WSB1: variants seen among roughly 807,000 people sequenced by gnomAD.
WSB1 encodes the protein WD repeat and SOCS box containing 1.
WSB1 carries 23 observed loss-of-function variants against 50.2 expected under a neutral mutation model. The ratio of observed to expected loss-of-function variants is 0.46; its 90% confidence interval spans 0.33 to 0.65. The LOEUF (loss-of-function observed/expected upper bound fraction) is 0.65. Ranked by LOEUF, WSB1 falls within the 30% of genes least tolerant of loss-of-function variation. The probability of loss-of-function intolerance (pLI) is 0.02; values close to 1 mark genes in which losing one functional copy is unlikely to be tolerated. For missense variants in WSB1, 492 were observed against 522.3 expected (o/e 0.94, Z 0.56); for synonymous variants, 179 against 172.0 (o/e 1.04, Z -0.32).
intron 3 of WSB1, among the ~76,000 whole-genome samples, chr17:27,304,201 A>G (rs1324864125): frequency 2.0e-5 from 3 of 152,210 alleles, no homozygotes; most frequent in Non-Finnish European, 4.4e-5. Context: ...AACAAGTGAT[A>G]CTAACATAGG....
intron 1 of WSB1, among the ~76,000 whole-genome samples, chr17:27,295,799 A>T (rs1357096097): frequency 2.0e-5 from 3 of 151,078 alleles, no homozygotes; most frequent in Non-Finnish European, 1.5e-5. Flanking sequence ...CTTCATCCTG[A>T]TAAACCATTT....
chr17:27,295,499 G>C (rs952242487), intron 1 of WSB1, among the ~76,000 whole-genome samples: 2 of 151,856 alleles, frequency 1.3e-5, no homozygotes, highest in Non-Finnish European at 2.9e-5. Context: ...TGATTGATTA[G>C]GAAGGGACTT....
intron 4 of WSB1, among the ~76,000 whole-genome samples, chr17:27,305,959 A>C (rs1364374044): frequency 6.6e-6 from 1 of 152,190 alleles, no homozygotes; most frequent in Non-Finnish European, 1.5e-5. Flanking sequence ...TTATATCCTC[A>C]GTGCCGGCAT....
Position 27,294,212 on chromosome 17 carries a change from G to T in WSB1, c.-184G>T. The T allele has an allele frequency of 4.5e-6, 3 of 671,464 alleles. No individual in the cohort carries two copies. Among genetic ancestry groups the T allele is most frequent in the Non-Finnish European group, 7.5e-6 (3 of 399,642 alleles). The allele number at this position is 671,464 out of a possible 1,614,324, so 41.6% of individuals were successfully genotyped here. A position where few individuals can be genotyped will look rare whatever the true frequency, so the allele number is the denominator to read the frequency against. ...TTGTCTGTGGTTGACTCCGTACTTT[G>T]GTCTGAGGCCTTCGGGAGCTTTCCC... On this transcript the variant is annotated 5_prime_UTR_variant, in exon 1 of 9. Coordinates refer to ENST00000262394, the MANE Select transcript of WSB1 (RefSeq NM_015626.10).
At chr17:27,306,661 T>A in intron 4 of WSB1, 121 bp from the exon 5 acceptor site, 1 of 895,918 alleles carries the variant, frequency 1.1e-6, no homozygotes, top group Non-Finnish European at 1.7e-6. Context: ...CGGTAACCCT[T>A]GTTATAGATA....
intron 1 of WSB1, chr17:27,297,182 T>C (rs2017013001): frequency 6.6e-6 from 1 of 152,238 alleles, no homozygotes; most frequent in Non-Finnish European, 1.5e-5. Flanking sequence ...TTTTGTTCCT[T>C]TGAGACTGAG....
At chr17:27,310,424 C>G (rs536168621) in intron 7 of WSB1, among the ~76,000 whole-genome samples, 2 of 142,042 alleles carry the variant, frequency 1.4e-5, no homozygotes, top group East Asian at 4.1e-4. Context: ...GCTTTTAGCC[C>G]AGCTTACAGA....
intron 1 of WSB1, 108 bp from the exon 2 acceptor site, chr17:27,301,680 C>G: frequency 1.7e-6 from 2 of 1,160,580 alleles, no homozygotes; most frequent in East Asian, 2.4e-5. Flanking sequence ...TCACTATACC[C>G]TGTCTGCATA....
At chr17:27,297,603 C>T (rs888414463) in intron 1 of WSB1, among the ~76,000 whole-genome samples, 1 of 151,972 alleles carries the variant, frequency 6.6e-6, no homozygotes, top group Non-Finnish European at 1.5e-5. Flanking sequence ...ACTACAGGTG[C>T]ATGCCACCAC....
intron 1 of WSB1, among the ~76,000 whole-genome samples, chr17:27,296,816 A>G (rs377414257): frequency 1.3e-5 from 2 of 152,252 alleles, no homozygotes; most frequent in East Asian, 3.8e-4. Flanking sequence ...TGCTAACATT[A>G]AACAGTTACA....
rs1038748730 is a variant in WSB1, at chr17:27,294,139, T to G, written c.-257T>G. 6.1e-6 allele frequency: 2 copies of G among 329,094 alleles called. No homozygotes were observed. Among genetic ancestry groups the G allele is most frequent in the African/African-American group, 4.3e-5 (2 of 46,786 alleles). 20.4% of individuals were successfully genotyped at this position (329,094 alleles called of 1,614,324 possible). On this transcript the variant is annotated 5_prime_UTR_variant, in exon 1 of 9. Transcript: ENST00000262394. Reference sequence around the variant, plus strand: ...AGTGTCTCGTTTGCAGTCGGCGCTTTAGGGGAACTGTCTTCCTCCGCAGGC... The same window carrying G: ...AGTGTCTCGTTTGCAGTCGGCGCTTGAGGGGAACTGTCTTCCTCCGCAGGC...
chr17:27,306,414 C>G (rs2017460880), intron 4 of WSB1, among the ~76,000 whole-genome samples: 2 of 151,878 alleles, frequency 1.3e-5, no homozygotes, highest in African/African-American at 4.8e-5. Context: ...TGGGTTTCAC[C>G]CTGTTGGCCA....
In WSB1 at chr17:27,307,953, C is replaced by CTTTCTTTT; in HGVS notation, c.711+1082_711+1089dup. The CTTTCTTTT allele has an allele frequency of 2.4e-6, 3 of 1,249,930 alleles. No individual in the cohort carries two copies. The African/African-American group carries it at 4.6e-5, about 19-fold the overall frequency. The allele number at this position is 1,249,930 out of a possible 1,614,324, so 77.4% of individuals were successfully genotyped here. On this transcript the variant is annotated intron_variant, in intron 5 of 8. Transcript: ENST00000262394. The stretch of plus-strand genomic sequence containing the variant: ...CGATGTCCACTTTCTGCTTTTCTTT[C>CTTTCTTTT]TTTCTTTTTTTCTTTTTTAAAGTAA...
At chr17:27,307,495 T>C (rs2017509144) in intron 5 of WSB1, 1 of 530,594 alleles carries the variant, frequency 1.9e-6, no homozygotes, top group East Asian at 3.3e-5. Context: ...CAAGTATTTA[T>C]AAAATGGTTG....
chr17:27,310,678 GCT>G (rs1018633320), intron 7 of WSB1, among the ~76,000 whole-genome samples: 4 of 152,128 alleles, frequency 2.6e-5, no homozygotes, highest in Non-Finnish European at 4.4e-5. Flanking sequence ...TCATAAGGCA[GCT>G]CTTCTCTTCC....
chr17:27,308,139 T>G (rs1479215937), intron 5 of WSB1: 1 of 1,037,016 alleles, frequency 9.6e-7, no homozygotes, highest in African/African-American at 1.7e-5. Flanking sequence ...CAGAGATATC[T>G]TACGTCTTTG....
chr17:27,312,411 CTT>C lies in WSB1; in HGVS notation c.*43_*44del, dbSNP rs1161706471. On this transcript the variant is annotated 3_prime_UTR_variant, in exon 9 of 9. Transcript: ENST00000262394. ...TAGTAGTAGGGACTGACAGAATACA[CTT>C]AACACAAACCTCAAGCTTTACTGAC... 1.3e-6 allele frequency: 2 copies of C among 1,594,052 alleles called. No homozygotes were observed. Among genetic ancestry groups the C allele is most frequent in the South Asian group, 2.3e-5 (2 of 87,072 alleles).
chr17:27,299,090 C>T (rs1427503414), intron 1 of WSB1, among the ~76,000 whole-genome samples: 1 of 152,114 alleles, frequency 6.6e-6, no homozygotes, highest in Non-Finnish European at 1.5e-5. Flanking sequence ...ATAAAGAACC[C>T]TGGTAAAAGG....
intron 5 of WSB1, chr17:27,307,985 C>T (rs892340622): frequency 8.0e-7 from 1 of 1,245,302 alleles, no homozygotes; most frequent in Non-Finnish European, 1.0e-6. Context: ...GTAATTTCCC[C>T]CACAGTAAAA....
Sources: gnomAD v4.1 joint callset for allele counts (sites outside exome capture counted in the v4.1 genomes callset) on GRCh38, gnomAD v4.1.1 for gene constraint, MANE v1.5 for transcripts, NCBI Gene and HGNC (gene_info 2026-07-23, HGNC 2026-07-21) for gene names.